Variants in ADAMTS16 observed in about 807,000 individuals in gnomAD.
The protein encoded by ADAMTS16 is A disintegrin and metalloproteinase with thrombospondin motifs 16.
In ADAMTS16, 94 loss-of-function variants were observed where a neutral mutation model predicts 145.8. That is an observed-to-expected ratio of 0.64 (90% CI 0.55 to 0.77). The LOEUF is 0.77. Among genes scored for constraint, ADAMTS16 ranks in the 30% least tolerant of loss-of-function variants. The pLI, the probability that ADAMTS16 is intolerant of heterozygous loss-of-function variation, is 0.00. For missense variants in ADAMTS16, 1,585 were observed against 1,591.5 expected (o/e 1.00, Z 0.07); for synonymous variants, 659 against 604.3 (o/e 1.09, Z -1.33).
At chr5:5,146,097 T>C in intron 2 of ADAMTS16, 33 bp from the exon 3 acceptor site, 1 of 1,569,608 alleles carries the variant, frequency 6.4e-7, no homozygotes. Context: ...AATTCCGAAA[T>C]GACTCAGCCT....
In ADAMTS16 at chr5:5,282,374, A is replaced by G. The variant is rs146244670; in HGVS notation, c.2789+19591A>G. Among the ~76,000 whole-genome samples the G allele has an allele frequency of 8.7e-4, 132 of 152,372 alleles. 1 individual carries two copies. The East Asian group carries it at 0.02, about 23-fold the overall frequency. On this transcript the variant is annotated intron_variant, in intron 18 of 22. Transcript: ENST00000274181. ...TGACCAAAATGAGATTTATTTTGACATAAGGAATGAAGTGTAAGGTTCCCA... is the reference window on the plus strand; with the variant it reads ...TGACCAAAATGAGATTTATTTTGACGTAAGGAATGAAGTGTAAGGTTCCCA...
Position 5,177,874 on chromosome 5 carries a change from G to A in ADAMTS16, c.502-4170G>A, listed in dbSNP as rs185481567. ...GATAGGTGGCTCTCATGAATAGGGC[G>A]CATGGCGTCACCTGAGACACGCTTG... On this transcript the variant is annotated intron_variant, in intron 3 of 22. Coordinates refer to ENST00000274181, the MANE Select transcript of ADAMTS16 (RefSeq NM_139056.4). Among the ~76,000 whole-genome samples the A allele has an allele frequency of 3.3e-5, 5 of 152,274 alleles. No homozygotes were observed. The South Asian group carries it at 1.0e-3, about 32-fold the overall frequency.
chr5:5,193,479 A>G (rs1393765104), intron 8 of ADAMTS16, among the ~76,000 whole-genome samples: 2 of 152,226 alleles, frequency 1.3e-5, no homozygotes, highest in African/African-American at 2.4e-5. Context: ...CCTCTGAACC[A>G]TACCTGAATT....
rs780462465 is a variant in ADAMTS16 at position 5,222,819 on chromosome 5, A to G, written c.1636A>G (p.Ile546Val). 5.6e-6 allele frequency: 9 copies of G among 1,614,042 alleles called. No homozygotes were observed. The South Asian group carries it at 9.9e-5, about 18-fold the overall frequency. ...CTGTAAAGCCCTGTGGTGCCATCGT[A>G]TTGGAAGGAAATGTGAGACTAAATT... ...DICKALWCHR[I>V]GRKCETKFMP... The change falls in exon 11 of 23, where the codon ATT becomes GTT. Residue 546 changes from isoleucine to valine, a missense_variant. By Grantham distance (29) the Ile-to-Val change is conservative. Coordinates refer to ENST00000274181, the MANE Select transcript of ADAMTS16 (RefSeq NM_139056.4).
chr5:5,215,267 G>A (rs945645346), intron 10 of ADAMTS16, among the ~76,000 whole-genome samples: 1 of 152,180 alleles, frequency 6.6e-6, no homozygotes, highest in Non-Finnish European at 1.5e-5. Context: ...CAGGATTAGT[G>A]ATAAAAGCAT....
chr5:5,211,381 G>A (rs1428110207), intron 10 of ADAMTS16, among the ~76,000 whole-genome samples: 2 of 152,120 alleles, frequency 1.3e-5, no homozygotes, highest in Non-Finnish European at 2.9e-5. Context: ...TTTAATTACT[G>A]TAAGATCTAT....
rs1473689603 is a variant in ADAMTS16 at position 5,319,378 on chromosome 5, G to A, written c.*240G>A. 4 of 509,058 alleles carry A rather than the reference G, an allele frequency of 7.9e-6. No individual in the cohort carries two copies. Among genetic ancestry groups the A allele is most frequent in the Non-Finnish European group, 1.4e-5 (4 of 281,710 alleles). The allele number at this position is 509,058 out of a possible 1,614,324, so 31.5% of individuals were successfully genotyped here. On this transcript the variant is annotated 3_prime_UTR_variant, in exon 23 of 23. Transcript: ENST00000274181. ...CTGAAATGTGGCACCCTGGCAGACA[G>A]AGCTGTGGCTCGTGAGGCAGAAGGC...
chr5:5,272,594 T>C (rs1041008996), intron 18 of ADAMTS16, among the ~76,000 whole-genome samples: 7 of 152,072 alleles, frequency 4.6e-5, no homozygotes, highest in African/African-American at 1.4e-4. Flanking sequence ...CTCGATCTCC[T>C]GACCTGGTGA....
intron 3 of ADAMTS16, among the ~76,000 whole-genome samples, chr5:5,178,585 T>A (rs974932319): frequency 2.6e-5 from 4 of 152,230 alleles, no homozygotes; most frequent in African/African-American, 9.6e-5. Flanking sequence ...GTTACTATGT[T>A]CTATGTATTT....
At chr5:5,234,078 T>C (rs1737020451) in intron 12 of ADAMTS16, among the ~76,000 whole-genome samples, 1 of 152,252 alleles carries the variant, frequency 6.6e-6, no homozygotes, top group African/African-American at 2.4e-5. Flanking sequence ...TAAGCTTGTT[T>C]AAGATGTGTC....
intron 21 of ADAMTS16, 121 bp from the exon 22 acceptor site, chr5:5,318,013 C>T: frequency 8.8e-7 from 1 of 1,136,124 alleles, no homozygotes; most frequent in Non-Finnish European, 1.1e-6. Context: ...GCCTCTGCGA[C>T]TAAGTCGCTC....
chr5:5,186,301 G>GGTGTGT lies in ADAMTS16; in HGVS notation c.963+79_963+84dup, dbSNP rs1553989063. On this transcript the variant is annotated intron_variant, in intron 5 of 22. Transcript: ENST00000274181. Reference sequence around the variant, plus strand: ...CCACCTGTGTCATTGCACTTCGTAGGGTGTGTGTGTGTGTGTGTGTGTGTG... The same window carrying GGTGTGT: ...CCACCTGTGTCATTGCACTTCGTAGGGTGTGTGTGTGTGTGTGTGTGTGTGTGTGTG... 632 of 987,296 alleles carry GGTGTGT rather than the reference G, an allele frequency of 6.4e-4. No individual in the cohort carries two copies. The African/African-American group carries it at 9.0e-3, about 14-fold the overall frequency. 61.2% of individuals were successfully genotyped at this position (987,296 alleles called of 1,614,324 possible). A position where few individuals can be genotyped will look rare whatever the true frequency, so the allele number is the denominator to read the frequency against.
At chr5:5,301,846 G>T (rs1739790188) in intron 18 of ADAMTS16, among the ~76,000 whole-genome samples, 1 of 152,238 alleles carries the variant, frequency 6.6e-6, no homozygotes, top group East Asian at 1.9e-4. Flanking sequence ...TGGGTTCTCA[G>T]CACAGACACA....
At chr5:5,202,388 T>C (rs1735982784) in intron 9 of ADAMTS16, among the ~76,000 whole-genome samples, 1 of 152,222 alleles carries the variant, frequency 6.6e-6, no homozygotes, top group African/African-American at 2.4e-5. Flanking sequence ...AAAAAAATTA[T>C]ATTACCAAAA....
Position 5,146,401 on chromosome 5 carries a change from C to A in ADAMTS16, c.447C>A (p.Gly149=). 2 of 1,613,662 alleles carry A rather than the reference C, an allele frequency of 1.2e-6. No individual in the cohort carries two copies. Among genetic ancestry groups the A allele is most frequent in the Non-Finnish European group, 1.7e-6 (2 of 1,180,022 alleles). The change falls in exon 3 of 23, where the codon GGC becomes GGA. Residue 149 remains glycine (G), a synonymous_variant. Coordinates refer to ENST00000274181, the MANE Select transcript of ADAMTS16 (RefSeq NM_139056.4). ...CAGAGGACTTCTGTTTCTATCAAGGCTCTTTGCGATCACACAGAAACTCCT... is the reference window on the plus strand; with the variant it reads ...CAGAGGACTTCTGTTTCTATCAAGGATCTTTGCGATCACACAGAAACTCCT... The part of the protein sequence containing the change: ...LPPEDFCFYQ[G]SLRSHRNSSV...
chr5:5,215,697 C>CATATATAT (rs57628837), intron 10 of ADAMTS16, among the ~76,000 whole-genome samples: 2,557 of 131,810 alleles, frequency 0.019, 35 homozygotes, highest in Non-Finnish European at 0.021. Flanking sequence ...TATTCCATTA[C>CATATATAT]ATATATATAT....
At chr5:5,248,776 T>C (rs1273937988) in intron 17 of ADAMTS16, among the ~76,000 whole-genome samples, 2 of 152,240 alleles carry the variant, frequency 1.3e-5, no homozygotes, top group African/African-American at 2.4e-5. Flanking sequence ...TTGGAAAGCC[T>C]CAATACCAGT....
intron 13 of ADAMTS16, among the ~76,000 whole-genome samples, chr5:5,235,779 A>G (rs2964436): frequency 3.3e-5 from 5 of 152,038 alleles, no homozygotes; most frequent in African/African-American, 1.2e-4. Flanking sequence ...GGAGAAATTC[A>G]AAGAAAACCT....
intron 10 of ADAMTS16, among the ~76,000 whole-genome samples, chr5:5,215,704 ATATATATATGTGG>A (rs1192904248): frequency 1.9e-4 from 23 of 123,874 alleles, no homozygotes; most frequent in African/African-American, 8.2e-4. Context: ...TTACATATAT[ATATATATATGTGG>A]TATATATATA....
Sources: gnomAD v4.1 joint callset for allele counts (sites outside exome capture counted in the v4.1 genomes callset) on GRCh38, gnomAD v4.1.1 for gene constraint, MANE v1.5 for transcripts, NCBI Gene and HGNC (gene_info 2026-07-23, HGNC 2026-07-21) for gene names.